Variants in AKAIN1 observed in about 807,000 individuals in gnomAD.
The protein encoded by AKAIN1 is A-kinase anchor protein inhibitor 1.
In AKAIN1, 3 loss-of-function variants were observed where a neutral mutation model predicts 3.7. That is an observed-to-expected ratio of 0.82 (90% CI 0.37 to 2.12). The LOEUF (loss-of-function observed/expected upper bound fraction) is 2.12, where lower values mean the gene tolerates loss of function less well. AKAIN1 is among the 30% of genes most tolerant of loss of function. AKAIN1 has a pLI of 0.06. For synonymous variants in AKAIN1, 31 were observed against 30.8 expected (o/e 1.01, Z -0.02); for missense variants, 82 against 82.7 (o/e 0.99, Z 0.03).
rs375975574 is a variant in AKAIN1, at chr18:5,190,286, G to A, written c.16+6752C>T. Among the ~76,000 whole-genome samples, 14 of 152,194 alleles carry A rather than the reference G, an allele frequency of 9.2e-5. No homozygotes were observed. In the East Asian group the frequency reaches 2.5e-3, roughly 27 times the overall value. On this transcript the variant is annotated intron_variant, in intron 1 of 1. Transcript: ENST00000434239. ...TAATGGCAACTAAATTTCAACATGA[G>A]TTTTGCAGGGGCTATTACTATAGAA...
chr18:5,181,832 T>A (rs181282014), intron 1 of AKAIN1, among the ~76,000 whole-genome samples: 191 of 152,228 alleles, frequency 1.3e-3, no homozygotes, highest in South Asian at 3.3e-3. Context: ...AATATATGTA[T>A]CTGGCTCTGA....
At chr18:5,170,503 CA>C (rs2071191437) in intron 1 of AKAIN1, among the ~76,000 whole-genome samples, 1 of 152,080 alleles carries the variant, frequency 6.6e-6, no homozygotes, top group Admixed American at 6.6e-5. Flanking sequence ...CTCTGCTAAG[CA>C]AAGATAGTGT....
chr18:5,181,209 T>C (rs918802388), intron 1 of AKAIN1, among the ~76,000 whole-genome samples: 3 of 152,036 alleles, frequency 2.0e-5, no homozygotes, highest in Non-Finnish European at 4.4e-5. Flanking sequence ...AGAGGACTGA[T>C]TGAGACCAGG....
At position 5,197,067 on chromosome 18, in the gene AKAIN1, C is replaced by T. The variant is rs75532309; in HGVS notation, c.-14G>A. ...AGCGAACACCATGATTTCTTCCAGCCGCTACGCCCCCAGATTAAGAGAGAA... is the reference window on the plus strand; with the variant it reads ...AGCGAACACCATGATTTCTTCCAGCTGCTACGCCCCCAGATTAAGAGAGAA... On this transcript the variant is annotated 5_prime_UTR_variant, in exon 1 of 2. Transcript: ENST00000434239. This position sits in a 1 kb window ranked among gnomAD's most constrained non-coding sequence, Gnocchi z 6.9. The T allele has an allele frequency of 1.0e-4, 155 of 1,551,608 alleles. No homozygotes were observed. In the East Asian group the frequency reaches 1.1e-3, roughly 11 times the overall value.
At chr18:5,191,139 C>G (rs2071315853) in intron 1 of AKAIN1, among the ~76,000 whole-genome samples, 1 of 152,104 alleles carries the variant, frequency 6.6e-6, no homozygotes, top group Non-Finnish European at 1.5e-5. Flanking sequence ...AGAATGTCTT[C>G]TTATTACTCC....
intron 1 of AKAIN1, among the ~76,000 whole-genome samples, chr18:5,163,505 T>C (rs2143334513): frequency 1.3e-5 from 2 of 152,194 alleles, no homozygotes; most frequent in Middle Eastern, 3.4e-3. Flanking sequence ...AATTTTTGAC[T>C]TGTTGAGAGA....
intron 1 of AKAIN1, 69 bp downstream of exon 1, chr18:5,196,969 C>G: frequency 7.3e-7 from 1 of 1,372,200 alleles, no homozygotes; most frequent in East Asian, 2.5e-5. Context: ...GGCCTTTTTT[C>G]CCTCTCCTCT....
chr18:5,162,278 G>T (rs940965861), intron 1 of AKAIN1, among the ~76,000 whole-genome samples: 7 of 152,078 alleles, frequency 4.6e-5, no homozygotes, highest in Non-Finnish European at 8.8e-5. Flanking sequence ...TAAGGATTCT[G>T]AGCAAGCTAG....
chr18:5,182,984 T>A (rs536578762), intron 1 of AKAIN1, among the ~76,000 whole-genome samples: 9 of 151,024 alleles, frequency 6.0e-5, no homozygotes, highest in Non-Finnish European at 1.2e-4. Flanking sequence ...GTGCACATAT[T>A]TTTTTTTGTC....
intron 1 of AKAIN1, among the ~76,000 whole-genome samples, chr18:5,161,949 A>G (rs1040046859): frequency 6.6e-6 from 1 of 152,110 alleles, no homozygotes; most frequent in Non-Finnish European, 1.5e-5. Flanking sequence ...AAACGAAGGG[A>G]ACAGTAGTAA....
chr18:5,142,952 C>A lies in AKAIN1; in HGVS notation c.*2610G>T, dbSNP rs1377745670. On this transcript the variant is annotated 3_prime_UTR_variant, in exon 2 of 2. Coordinates refer to ENST00000434239, the MANE Select transcript of AKAIN1 (RefSeq NM_001145194.2). ...GTTTGCACTGAACAGATGATTACAG[C>A]AGAGAAAAGTAACATGAAAGGATTT... Among the ~76,000 whole-genome samples, 2 of 152,182 alleles carry A rather than the reference C, an allele frequency of 1.3e-5. No homozygotes were observed. The highest frequency in any genetic ancestry group is 2.9e-5 in the Non-Finnish European group (2 of 68,032).
At chr18:5,153,476 C>T (rs2071090199) in intron 1 of AKAIN1, among the ~76,000 whole-genome samples, 1 of 150,842 alleles carries the variant, frequency 6.6e-6, no homozygotes, top group Admixed American at 6.6e-5. Context: ...CCAGAAACAA[C>T]CACACAGATA....
intron 1 of AKAIN1, among the ~76,000 whole-genome samples, chr18:5,192,445 C>CTTTCTTTCTTTCTT (rs1555611456): frequency 1.6e-5 from 2 of 126,156 alleles, no homozygotes; most frequent in African/African-American, 6.0e-5. Flanking sequence ...TTCTTTCTTT[C>CTTTCTTTCTTTCTT]TTTTTCTTTT....
intron 1 of AKAIN1, among the ~76,000 whole-genome samples, chr18:5,190,755 A>G (rs561147784): frequency 6.6e-5 from 10 of 152,176 alleles, no homozygotes; most frequent in Non-Finnish European, 1.3e-4. Flanking sequence ...CCTAACTTGC[A>G]TATGAATGCC....
chr18:5,189,229 G>A (rs906608022), intron 1 of AKAIN1, among the ~76,000 whole-genome samples: 3 of 152,128 alleles, frequency 2.0e-5, no homozygotes, highest in African/African-American at 4.8e-5. Flanking sequence ...CCAGGGATAA[G>A]AGGGACAACC....
intron 1 of AKAIN1, among the ~76,000 whole-genome samples, chr18:5,173,037 C>T (rs186158282): frequency 6.6e-6 from 1 of 152,150 alleles, no homozygotes; most frequent in East Asian, 1.9e-4. Flanking sequence ...ATTATTGAAT[C>T]ATTAAAATCC....
intron 1 of AKAIN1, among the ~76,000 whole-genome samples, chr18:5,168,285 C>G (rs114982688): frequency 0.011 from 1,602 of 152,194 alleles, 28 homozygotes; most frequent in African/African-American, 0.037. Context: ...AACATAACTA[C>G]TTCATTATTT....
Position 5,197,127 on chromosome 18 carries a change from CTTGG to C in AKAIN1, c.-78_-75del. On this transcript the variant is annotated 5_prime_UTR_variant, in exon 1 of 2. Coordinates refer to ENST00000434239, the MANE Select transcript of AKAIN1 (RefSeq NM_001145194.2). This position sits in a 1 kb window ranked among gnomAD's most constrained non-coding sequence, Gnocchi z 6.9. ...GACGGAGGATGGGAAGAAGGCCGGACTTGGCGGGGTCCGGTGCAGGAGGGCGCGC... is the reference window on the plus strand; with the variant it reads ...GACGGAGGATGGGAAGAAGGCCGGACCGGGGTCCGGTGCAGGAGGGCGCGC... The C allele has an allele frequency of 6.5e-7, 1 of 1,546,792 alleles. No individual in the cohort carries two copies. Among genetic ancestry groups the C allele is most frequent in the South Asian group, 1.2e-5 (1 of 83,950 alleles).
chr18:5,179,536 A>C (rs2071245389), intron 1 of AKAIN1, among the ~76,000 whole-genome samples: 2 of 152,128 alleles, frequency 1.3e-5, no homozygotes, highest in African/African-American at 4.8e-5. Context: ...GCTGCAATAA[A>C]CATATGAATG....
Sources: gnomAD v4.1 joint callset for allele counts (sites outside exome capture counted in the v4.1 genomes callset) on GRCh38, gnomAD v4.1.1 for gene constraint, Gnocchi (gnomAD v3.1) non-coding constraint, MANE v1.5 for transcripts, NCBI Gene and HGNC (gene_info 2026-07-23, HGNC 2026-07-21) for gene names.